The following SLC30A8 variants were observed in gnomAD, a reference collection of about 807,000 sequenced individuals.
SLC30A8 encodes solute carrier family 30 member 8, also known as proton-coupled zinc antiporter SLC30A8.
In SLC30A8, 27 loss-of-function variants were observed where a neutral mutation model predicts 36.9. The ratio of observed to expected loss-of-function variants is 0.73; its 90% CI spans 0.54 to 1.01. The LOEUF is 1.01. SLC30A8 is among the 50% of genes least tolerant of loss of function. SLC30A8 has a pLI of 0.00. For synonymous variants in SLC30A8, 164 were observed against 172.4 expected (o/e 0.95, Z 0.38); for missense variants, 439 against 452.0 (o/e 0.97, Z 0.26).
intron 2 of SLC30A8, among the ~76,000 whole-genome samples, chr8:117,042,578 T>A (rs1184553389): frequency 6.6e-6 from 1 of 152,164 alleles, no homozygotes; most frequent in African/African-American, 2.4e-5. Context: ...TCCTTACATT[T>A]AAAGTCCTGC....
At chr8:117,065,780 T>C (rs1488057663) in intron 2 of SLC30A8, among the ~76,000 whole-genome samples, 1 of 152,162 alleles carries the variant, frequency 6.6e-6, no homozygotes, top group African/African-American at 2.4e-5. Flanking sequence ...CTCAGTCTTG[T>C]CTGTATAGTT....
intron 2 of SLC30A8, among the ~76,000 whole-genome samples, chr8:117,099,183 C>T (rs1384149540): frequency 6.6e-6 from 1 of 152,146 alleles, no homozygotes; most frequent in Non-Finnish European, 1.5e-5. Flanking sequence ...CTCTCACACA[C>T]TTTTTTGTGA....
At chr8:117,080,299 G>T (rs115965047) in intron 2 of SLC30A8, among the ~76,000 whole-genome samples, 18 of 151,880 alleles carry the variant, frequency 1.2e-4, no homozygotes, top group African/African-American at 4.4e-4. Flanking sequence ...AACATTTGGC[G>T]CATACCTTTT....
intron 2 of SLC30A8, among the ~76,000 whole-genome samples, chr8:117,050,117 T>G (rs1054053456): frequency 6.6e-6 from 1 of 152,136 alleles, no homozygotes; most frequent in Non-Finnish European, 1.5e-5. Flanking sequence ...TTTATTACAC[T>G]CTCTGCCACA....
At chr8:117,094,642 C>T (rs975757110) in intron 2 of SLC30A8, among the ~76,000 whole-genome samples, 4 of 152,198 alleles carry the variant, frequency 2.6e-5, no homozygotes, top group Non-Finnish European at 5.9e-5. Context: ...GGAAAAAGCA[C>T]CGCAAGTTCC....
At chr8:117,022,149 G>A (rs971318638) in intron 1 of SLC30A8, among the ~76,000 whole-genome samples, 1 of 151,476 alleles carries the variant, frequency 6.6e-6, no homozygotes, top group Non-Finnish European at 1.5e-5. Context: ...GCAGTGAGCC[G>A]AGATAGCGCC....
chr8:117,138,865 T>C (rs958262307), intron 1 of SLC30A8, among the ~76,000 whole-genome samples: 4 of 151,954 alleles, frequency 2.6e-5, no homozygotes, highest in African/African-American at 9.7e-5. Context: ...GTACTACTCA[T>C]AGGAGAGGCA....
intron 1 of SLC30A8, among the ~76,000 whole-genome samples, chr8:117,022,365 T>G (rs1816727513): frequency 6.6e-6 from 1 of 152,120 alleles, no homozygotes. Flanking sequence ...GTTAGGTACA[T>G]GAAGATGAAT....
At chr8:117,155,833 A>G (rs1222689269) in intron 3 of SLC30A8, among the ~76,000 whole-genome samples, 1 of 152,044 alleles carries the variant, frequency 6.6e-6, no homozygotes, top group East Asian at 1.9e-4. Context: ...TTTTCTGGGA[A>G]ACTTTGTCAT....
chr8:116,969,295 A>G (rs1327066945), intron 1 of SLC30A8, among the ~76,000 whole-genome samples: 2 of 152,128 alleles, frequency 1.3e-5, no homozygotes, highest in East Asian at 1.9e-4. Context: ...GTACACGCCT[A>G]TAATCCCAGC....
chr8:116,967,221 A>G (rs1814627568), intron 1 of SLC30A8, among the ~76,000 whole-genome samples: 1 of 152,236 alleles, frequency 6.6e-6, no homozygotes, highest in African/African-American at 2.4e-5. Flanking sequence ...GCCTAAATTT[A>G]AAAACACAAA....
intron 1 of SLC30A8, among the ~76,000 whole-genome samples, chr8:117,002,347 C>T (rs926270156): frequency 1.3e-5 from 2 of 152,162 alleles, no homozygotes; most frequent in Non-Finnish European, 1.5e-5. Context: ...GGAATTCTTT[C>T]TGTTACAAAT....
At chr8:116,955,458 G>A (rs958803774) in intron 1 of SLC30A8, among the ~76,000 whole-genome samples, 12 of 152,038 alleles carry the variant, frequency 7.9e-5, no homozygotes, top group African/African-American at 1.4e-4. Flanking sequence ...GGCCGGGTGC[G>A]GTGGCTCACA....
At chr8:117,058,377 C>T (rs1021458647) in intron 2 of SLC30A8, among the ~76,000 whole-genome samples, 2 of 152,130 alleles carry the variant, frequency 1.3e-5, no homozygotes, top group African/African-American at 2.4e-5. Flanking sequence ...CAAAAACTTT[C>T]TGGTTTAATG....
At chr8:117,148,355 A>G (rs574421435) in intron 2 of SLC30A8, among the ~76,000 whole-genome samples, 69 of 152,104 alleles carry the variant, frequency 4.5e-4, no homozygotes, top group African/African-American at 1.6e-3. Flanking sequence ...TTGATTTTTT[A>G]TATTTCTTTA....
At chr8:117,098,457 G>A (rs1236735820) in intron 2 of SLC30A8, among the ~76,000 whole-genome samples, 1 of 152,118 alleles carries the variant, frequency 6.6e-6, no homozygotes, top group Non-Finnish European at 1.5e-5. Context: ...TATGAAACCA[G>A]ATTATCAGGA....
intron 1 of SLC30A8, among the ~76,000 whole-genome samples, chr8:117,038,164 T>G (rs936686584): frequency 6.6e-6 from 1 of 152,192 alleles, no homozygotes; most frequent in Non-Finnish European, 1.5e-5. Context: ...ATATGGATAC[T>G]CGGTAAAAGC....
chr8:117,080,969 T>A lies in SLC30A8; in HGVS notation c.-226+41711T>A, dbSNP rs545384134. Among the ~76,000 whole-genome samples the A allele has an allele frequency of 2.2e-3, 334 of 152,344 alleles. 1 individual carries two copies. The highest frequency in any genetic ancestry group is 7.7e-3 in the African/African-American group (321 of 41,580). Reference sequence around the variant, plus strand: ...GTTAAAATTTTGTGATGGTCTGTTTTGTGACAAAAATATCTATCTTAGTAG... The same window carrying A: ...GTTAAAATTTTGTGATGGTCTGTTTAGTGACAAAAATATCTATCTTAGTAG... On this transcript the variant is annotated intron_variant, in intron 2 of 10. Transcript: ENST00000427715.
Position 117,172,845 on chromosome 8 carries a change from G to A in SLC30A8, c.*164G>A. 1.3e-6 allele frequency: 1 copy of A among 757,754 alleles called. No individual in the cohort carries two copies. The highest frequency in any genetic ancestry group is 2.1e-6 in the Non-Finnish European group (1 of 469,450). 46.9% of individuals were successfully genotyped at this position (757,754 alleles called of 1,614,324 possible). A position where few individuals can be genotyped will look rare whatever the true frequency, so the allele number is the denominator to read the frequency against. On this transcript the variant is annotated 3_prime_UTR_variant, in exon 8 of 8. Transcript: ENST00000456015. ...AGTTCCATTCACCATGAAGGAAGAGGCACTGAGATCCATCAATCAATTGGA... is the reference window on the plus strand; with the variant it reads ...AGTTCCATTCACCATGAAGGAAGAGACACTGAGATCCATCAATCAATTGGA...
Sources: allele counts gnomAD v4.1 joint callset (sites outside exome capture counted in the v4.1 genomes callset), GRCh38; gene constraint gnomAD v4.1.1; transcripts MANE v1.5; gene names NCBI Gene and HGNC (gene_info 2026-07-23, HGNC 2026-07-21).